CADPS: variants seen among roughly 807,000 people sequenced by gnomAD.
CADPS encodes the protein calcium dependent secretion activator, also known as calcium-dependent secretion activator 1.
CADPS carries 57 observed loss-of-function variants against 167.3 expected under a neutral mutation model. That is an observed-to-expected ratio of 0.34 (90% CI 0.28 to 0.42). CADPS has a LOEUF of 0.42. Among genes scored for constraint, CADPS ranks in the 20% least tolerant of loss-of-function variants. CADPS has a pLI of 1.00. For synonymous variants in CADPS, 676 were observed against 635.3 expected (o/e 1.06, Z -0.96); for missense variants, 1,414 against 1,738.1 (o/e 0.81, Z 3.32).
chr3:62,501,870 T>C (rs1373413261), intron 17 of CADPS, among the ~76,000 whole-genome samples: 1 of 152,240 alleles, frequency 6.6e-6, no homozygotes, highest in Non-Finnish European at 1.5e-5. Flanking sequence ...TACACATAAA[T>C]TGTGCATGTG....
At chr3:62,589,064 T>C (rs1279491628) in intron 7 of CADPS, among the ~76,000 whole-genome samples, 1 of 96,944 alleles carries the variant, frequency 1.0e-5, no homozygotes, top group East Asian at 3.0e-4. Context: ...TTTCACAATG[T>C]GCATGAATTT....
intron 13 of CADPS, among the ~76,000 whole-genome samples, chr3:62,525,599 C>G (rs1385219294): frequency 2.0e-5 from 3 of 147,614 alleles, no homozygotes; most frequent in Non-Finnish European, 4.5e-5. Flanking sequence ...GTTAGTAAAA[C>G]AGAGCTATCC....
rs2078354558 is a variant in CADPS, at chr3:62,557,407, G to A, written c.1751C>T (p.Pro584Leu). 1 of 1,611,986 alleles carries A rather than the reference G, an allele frequency of 6.2e-7. No individual in the cohort carries two copies. Among genetic ancestry groups the A allele is most frequent in the Non-Finnish European group, 8.5e-7 (1 of 1,178,058 alleles). The change falls in exon 10 of 30, where the codon CCA becomes CTA. Residue 584 changes from proline (P) to leucine (L), a missense_variant and splice_region_variant. Physicochemically the swap from Pro to Leu is moderately conservative, Grantham distance 98. This residue lies in a region of CADPS where 157 missense variants were observed against 229.4 expected (regional missense o/e 0.68). Transcript: ENST00000383710. ...GYTVDYTDPQ[P>L]GLEGGRAFFN... ...TGGCCTTGAGGGTCGGTGGGTACCTGGCTGGGGGTCGGTGTAATCCACAGT... is the reference window on the plus strand; with the variant it reads ...TGGCCTTGAGGGTCGGTGGGTACCTAGCTGGGGGTCGGTGTAATCCACAGT...
rs62242381 is a variant in CADPS, at chr3:62,822,766, T to G, written c.441+51823A>C. ...CTGAAGTAGGAGAACGGCTTGAACC[T>G]GGGAGGTGGAGGTTGCAGTGAGCCA... is the stretch of plus-strand genomic sequence containing the variant. On this transcript the variant is annotated intron_variant, in intron 1 of 29. Transcript: ENST00000383710. 6.2e-3 allele frequency among the ~76,000 whole-genome samples: 948 copies of G among 152,136 alleles called. 4 individuals carry two copies. The highest frequency in any genetic ancestry group is 9.4e-3 in the Non-Finnish European group (638 of 68,002).
At chr3:62,525,820 A>G (rs2072024862) in intron 13 of CADPS, among the ~76,000 whole-genome samples, 1 of 152,094 alleles carries the variant, frequency 6.6e-6, no homozygotes, top group African/African-American at 2.4e-5. Context: ...ATTCACCAAA[A>G]AGAAATAAAA....
intron 1 of CADPS, among the ~76,000 whole-genome samples, chr3:62,813,124 T>C (rs2094460598): frequency 6.6e-6 from 1 of 152,128 alleles, no homozygotes; most frequent in South Asian, 2.1e-4. Context: ...TTTTAAAATC[T>C]ATTTGGAATC....
At chr3:62,862,729 CAATAA>C (rs1328657715) in intron 1 of CADPS, among the ~76,000 whole-genome samples, 1 of 152,090 alleles carries the variant, frequency 6.6e-6, no homozygotes, top group Non-Finnish European at 1.5e-5. Flanking sequence ...CACAATTCTG[CAATAA>C]AATAAAGATT....
At chr3:62,595,990 C>T (rs1357107888) in intron 6 of CADPS, among the ~76,000 whole-genome samples, 1 of 152,050 alleles carries the variant, frequency 6.6e-6, no homozygotes. Flanking sequence ...GGGACTCAGA[C>T]TGGCTCTTCT....
chr3:62,658,470 T>G (rs536400191), intron 4 of CADPS, among the ~76,000 whole-genome samples: 1 of 152,122 alleles, frequency 6.6e-6, no homozygotes, highest in Non-Finnish European at 1.5e-5. Flanking sequence ...TGGTTAAGAG[T>G]GCAGACTCAT....
At chr3:62,749,516 GA>G (rs1486095532) in intron 3 of CADPS, among the ~76,000 whole-genome samples, 2 of 152,212 alleles carry the variant, frequency 1.3e-5, no homozygotes, top group Non-Finnish European at 2.9e-5. Context: ...AGAAGGTCCA[GA>G]AAATACAAAA....
chr3:62,757,070 G>A (rs1291995816), intron 2 of CADPS, among the ~76,000 whole-genome samples: 6 of 152,150 alleles, frequency 3.9e-5, no homozygotes, highest in Non-Finnish European at 7.3e-5. Flanking sequence ...AGGCAGGGAG[G>A]CCAGTTGAGA....
At chr3:62,519,460 C>A (rs576611280) in intron 13 of CADPS, among the ~76,000 whole-genome samples, 2 of 152,072 alleles carry the variant, frequency 1.3e-5, no homozygotes, top group South Asian at 2.1e-4. Flanking sequence ...TTGAAATATG[C>A]GAAAATTTCC....
chr3:62,476,430 A>C (rs559264233), intron 23 of CADPS, among the ~76,000 whole-genome samples: 1 of 152,262 alleles, frequency 6.6e-6, no homozygotes, highest in Admixed American at 6.5e-5. Flanking sequence ...GGACATCAGG[A>C]AATTTAAGTG....
chr3:62,491,413 A>G lies in CADPS; in HGVS notation c.2952T>C (p.Tyr984=). ...CAATTGAGGACTCCATCAGATCCAC[A>G]TATCTAACAACAAGTGGGGCAAACA... ...QDLFAPLVVR[Y]VDLMESSIAQ... Residue 984 remains tyrosine, a synonymous_variant, in exon 21 of 30, where the codon TAT becomes TAC. Transcript: ENST00000383710. 4 of 1,614,116 alleles carry G rather than the reference A, an allele frequency of 2.5e-6. No homozygotes were observed. The highest frequency in any genetic ancestry group is 2.7e-5 in the African/African-American group (2 of 75,042).
chr3:62,578,333 G>A lies in CADPS; in HGVS notation c.1577+6852C>T, dbSNP rs535828407. On this transcript the variant is annotated intron_variant, in intron 8 of 29. Transcript: ENST00000383710. ...AGTCAATCAAGAAGACATAACAGCCGGGTGTGGTGGCTCACGCCTGTAATC... is the reference window on the plus strand; with the variant it reads ...AGTCAATCAAGAAGACATAACAGCCAGGTGTGGTGGCTCACGCCTGTAATC... 1.2e-4 allele frequency among the ~76,000 whole-genome samples: 18 copies of A among 152,072 alleles called. 1 individual carries two copies. The highest frequency in any genetic ancestry group is 2.9e-4 in the African/African-American group (12 of 41,500).
Position 62,512,739 on chromosome 3 carries a change from C to A in CADPS, c.2599+12G>T. 6.2e-7 allele frequency: 1 copy of A among 1,600,892 alleles called. No homozygotes were observed. Among genetic ancestry groups the A allele is most frequent in the Non-Finnish European group, 8.5e-7 (1 of 1,170,430 alleles). Reference sequence around the variant, plus strand: ...GTCCTGATAATTTATAATGCATATACAATTGGTTCACCTGCATCCTTTTGA... The same window carrying A: ...GTCCTGATAATTTATAATGCATATAAAATTGGTTCACCTGCATCCTTTTGA... On this transcript the variant is annotated intron_variant, in intron 17 of 29. Coordinates refer to ENST00000383710, the MANE Select transcript of CADPS (RefSeq NM_003716.4).
intron 6 of CADPS, among the ~76,000 whole-genome samples, chr3:62,635,224 G>A (rs916810845): frequency 1.3e-5 from 2 of 152,280 alleles, no homozygotes; most frequent in Admixed American, 1.3e-4. Context: ...GTAGAAATAG[G>A]TTGAGTGATT....
intron 28 of CADPS, among the ~76,000 whole-genome samples, chr3:62,411,901 T>C (rs1446450681): frequency 1.3e-5 from 2 of 152,226 alleles, no homozygotes; most frequent in Non-Finnish European, 2.9e-5. Context: ...CGTTGAAAGA[T>C]ACAATCTTCT....
intron 19 of CADPS, among the ~76,000 whole-genome samples, chr3:62,493,151 A>G (rs996252733): frequency 1.3e-5 from 2 of 152,208 alleles, no homozygotes; most frequent in Non-Finnish European, 2.9e-5. Flanking sequence ...TGAAAACCAA[A>G]AAATATCAGT....
Sources: gnomAD v4.1 joint callset for allele counts (sites outside exome capture counted in the v4.1 genomes callset) on GRCh38, gnomAD v4.1.1 for gene constraint, gnomAD v4.1.1 regional missense constraint, MANE v1.5 for transcripts, NCBI Gene and HGNC (gene_info 2026-07-23, HGNC 2026-07-21) for gene names.